The following RBP5 variants were observed in gnomAD, a reference collection of about 807,000 sequenced individuals.
RBP5 encodes retinol binding protein 5.
Under a neutral mutation model 17.8 loss-of-function variants are expected in RBP5, and 12 were observed. That is an observed-to-expected ratio of 0.67 (90% confidence interval 0.43 to 1.09). The LOEUF (loss-of-function observed/expected upper bound fraction) is 1.09, where lower values mean the gene tolerates loss of function less well. Among genes scored for constraint, RBP5 ranks in the 50% least tolerant of loss-of-function variants. The probability of loss-of-function intolerance (pLI) is 0.00; values close to 1 mark genes in which losing one functional copy is unlikely to be tolerated. For missense variants in RBP5, 172 were observed against 169.4 expected (o/e 1.02, Z -0.09); for synonymous variants, 64 against 68.1 (o/e 0.94, Z 0.30).
In RBP5 at chr12:7,123,821, A is replaced by G; in HGVS notation, c.*300T>C. The G allele has an allele frequency of 5.4e-6, 2 of 370,944 alleles. No homozygotes were observed. The highest frequency in any genetic ancestry group is 7.1e-4 in the Middle Eastern group (1 of 1,416). The allele number at this position is 370,944 out of a possible 1,614,324, so 23.0% of individuals were successfully genotyped here. On this transcript the variant is annotated 3_prime_UTR_variant, in exon 4 of 4. Transcript: ENST00000266560. ...AAGGAAAAGAAGAGGTCAAATGGAC[A>G]GGAGAGAGCGGAGATTGGTTGTTCT... is the stretch of plus-strand genomic sequence containing the variant.
chr12:7,122,886 T>G (rs948674165), downstream of RBP5, among the ~76,000 whole-genome samples: 1 of 152,022 alleles, frequency 6.6e-6, no homozygotes, highest in Admixed American at 6.5e-5. Context: ...CCAAATTCAT[T>G]CCAGAGCATG....
rs776502884 is a variant in RBP5, at chr12:7,128,376, G to A, written c.116C>T (p.Pro39Leu). The change falls in exon 2 of 4, where the codon CCG (proline) becomes CTG (leucine). Residue 39 changes from proline to leucine, a missense_variant. Pro to Leu is a moderately conservative substitution (Grantham distance 98). Coordinates refer to ENST00000266560, the MANE Select transcript of RBP5 (RefSeq NM_031491.4). The surrounding 1 kb of genome is among the most constrained non-coding windows in gnomAD (Gnocchi z 5.3). ...AVRKIALLLK[P>L]DKEIEHQGNH... The stretch of plus-strand genomic sequence containing the variant: ...GCCCTGGTGTTCGATCTCCTTGTCC[G>A]GCTTCAGCAGCAGCGCGATCTTCCG... The A allele has an allele frequency of 5.3e-5, 85 of 1,614,066 alleles. No individual in the cohort carries two copies. Among genetic ancestry groups the A allele is most frequent in the Non-Finnish European group, 5.2e-5 (61 of 1,180,042 alleles).
downstream of RBP5, among the ~76,000 whole-genome samples, chr12:7,122,997 G>GTCT (rs1300373096): frequency 6.6e-6 from 1 of 152,130 alleles, no homozygotes; most frequent in Non-Finnish European, 1.5e-5. Context: ...TGGGTCAAGA[G>GTCT]TCTTCATCTG....
chr12:7,125,517 C>G (rs1026716218), intron 2 of RBP5, among the ~76,000 whole-genome samples: 10 of 152,144 alleles, frequency 6.6e-5, no homozygotes, highest in African/African-American at 2.4e-4. Flanking sequence ...ATTGAGTTCT[C>G]CTTTAGGATA....
chr12:7,119,223 G>A (rs764975293), downstream of RBP5, among the ~76,000 whole-genome samples: 2 of 151,754 alleles, frequency 1.3e-5, no homozygotes, highest in South Asian at 4.2e-4. Flanking sequence ...CCAAGGGCTG[G>A]GGGGTAGGGG....
chr12:7,117,085 C>T lies in RBP5; in HGVS notation n.1112G>A, dbSNP rs773541133. 2.0e-5 allele frequency: 3 copies of T among 152,358 alleles called. No individual in the cohort carries two copies. The highest frequency in any genetic ancestry group is 1.3e-4 in the Admixed American group (2 of 15,304). 9.4% of individuals were successfully genotyped at this position (152,358 alleles called of 1,614,324 possible). On this transcript the variant is annotated non_coding_transcript_exon_variant, in exon 4 of 4. Transcript: ENST00000619522. The surrounding 1 kb of genome is among the most constrained non-coding windows in gnomAD (Gnocchi z 4.9). ...AGGCGGGACTGGGGCTGGAGGTCTGCTTCCAGACGGTCACTCACATGGATG... is the reference window on the plus strand; with the variant it reads ...AGGCGGGACTGGGGCTGGAGGTCTGTTTCCAGACGGTCACTCACATGGATG...
chr12:7,116,826 A>G (rs1174342616), exon 4 of RBP5: 4 of 152,106 alleles, frequency 2.6e-5, no homozygotes, highest in Non-Finnish European at 4.4e-5. Context: ...CACTTAGCGA[A>G]TATTGAGGTT....
chr12:7,124,616 C>G lies in RBP5; in HGVS notation c.354+13G>C. The G allele has an allele frequency of 5.4e-6, 8 of 1,476,556 alleles. No individual in the cohort carries two copies. Among genetic ancestry groups the G allele is most frequent in the Non-Finnish European group, 7.6e-6 (8 of 1,055,226 alleles). The allele number at this position is 1,476,556 out of a possible 1,614,324, so 91.5% of individuals were successfully genotyped here. A position where few individuals can be genotyped will look rare whatever the true frequency, so the allele number is the denominator to read the frequency against. On this transcript the variant is annotated intron_variant, in intron 3 of 3. Coordinates refer to ENST00000266560, the MANE Select transcript of RBP5 (RefSeq NM_031491.4). This position sits in a 1 kb window ranked among gnomAD's most constrained non-coding sequence, Gnocchi z 5.3. ...GGCCCTTCTCCCAGACACCCAGCCC[C>G]CACCCCATTTACCAGATACAGCATC...
At chr12:7,121,468 C>T (rs1436217129), downstream of RBP5, among the ~76,000 whole-genome samples, 2 of 152,092 alleles carry the variant, frequency 1.3e-5, no homozygotes, top group Non-Finnish European at 2.9e-5. Context: ...GGCCTGGGCA[C>T]GTAGGCGTCA....
intron 2 of RBP5, among the ~76,000 whole-genome samples, chr12:7,126,309 G>A (rs753784265): frequency 2.6e-5 from 4 of 151,966 alleles, no homozygotes; most frequent in South Asian, 4.2e-4. Flanking sequence ...TTATTATTTC[G>A]GCATGCAGCC....
chr12:7,124,003 G>A lies in RBP5; in HGVS notation c.*118C>T. The A allele has an allele frequency of 2.1e-6, 2 of 943,250 alleles. No individual in the cohort carries two copies. Among genetic ancestry groups the A allele is most frequent in the Non-Finnish European group, 3.5e-6 (2 of 577,094 alleles). 58.4% of individuals were successfully genotyped at this position (943,250 alleles called of 1,614,324 possible). A position where few individuals can be genotyped will look rare whatever the true frequency, so the allele number is the denominator to read the frequency against. On this transcript the variant is annotated 3_prime_UTR_variant, in exon 4 of 4. Coordinates refer to ENST00000266560, the MANE Select transcript of RBP5 (RefSeq NM_031491.4). The surrounding 1 kb of genome is among the most constrained non-coding windows in gnomAD (Gnocchi z 5.3). The stretch of plus-strand genomic sequence containing the variant: ...GGGGAGGGGTGAGGAGGGACCCAGA[G>A]GGAGGAAAGGTGGCCAGAGGAAGGG...
Position 7,128,716 on chromosome 12 carries a change from G to A in RBP5, c.60C>T (p.Tyr20=). 6.2e-7 allele frequency: 1 copy of A among 1,602,422 alleles called. No homozygotes were observed. Among genetic ancestry groups the A allele is most frequent in the South Asian group, 1.1e-5 (1 of 88,862 alleles). The change falls in exon 1 of 4, where the codon TAC becomes TAT. Residue 20 remains tyrosine, a synonymous_variant. Coordinates refer to ENST00000266560, the MANE Select transcript of RBP5 (RefSeq NM_031491.4). The surrounding 1 kb of genome is among the most constrained non-coding windows in gnomAD (Gnocchi z 5.3). ...CGAGGCCATTACTTAGGGCTTGCAGGTAGTCCTCCATGTTCTTCTGCGAGA... is the reference window on the plus strand; with the variant it reads ...CGAGGCCATTACTTAGGGCTTGCAGATAGTCCTCCATGTTCTTCTGCGAGA... ...RFVSQKNMED[Y]LQALNISLAV... is the part of the protein sequence containing the mutation.
chr12:7,125,592 C>T (rs186561548), intron 2 of RBP5, among the ~76,000 whole-genome samples: 21 of 152,126 alleles, frequency 1.4e-4, no homozygotes, highest in African/African-American at 5.1e-4. Context: ...AACTGTGACA[C>T]CAGGCAAGAG....
Position 7,128,241 on chromosome 12 carries a change from T to C in RBP5, c.251A>G (p.Gln84Arg). 6.2e-7 allele frequency: 1 copy of C among 1,608,840 alleles called. No homozygotes were observed. Among genetic ancestry groups the C allele is most frequent in the Non-Finnish European group, 8.5e-7 (1 of 1,176,346 alleles). ...ACCGCCCAGCCAGGGGAAATGTACCTGGCATTTTCGTCCGTCCACGCTCCT... is the reference window on the plus strand; with the variant it reads ...ACCGCCCAGCCAGGGGAAATGTACCCGGCATTTTCGTCCGTCCACGCTCCT... ...DLRSVDGRKC[Q>R]TIVTWEEEHL... Residue 84 changes from glutamine (Q) to arginine (R), a missense_variant and splice_region_variant, in exon 2 of 4, where the codon CAG (glutamine) becomes CGG (arginine). Physicochemically the swap from Gln to Arg is conservative, Grantham distance 43 (BLOSUM62 1). Coordinates refer to ENST00000266560, the MANE Select transcript of RBP5 (RefSeq NM_031491.4). This position sits in a 1 kb window ranked among gnomAD's most constrained non-coding sequence, Gnocchi z 5.3.
chr12:7,125,294 G>A (rs934180057), intron 2 of RBP5, among the ~76,000 whole-genome samples: 1 of 152,162 alleles, frequency 6.6e-6, no homozygotes, highest in Non-Finnish European at 1.5e-5. Flanking sequence ...GATAAGTAGA[G>A]GTGAAATTGG....
Position 7,124,872 on chromosome 12 carries a change from C to G in RBP5, c.253-142G>C, listed in dbSNP as rs1000660048. 2 of 573,884 alleles carry G rather than the reference C, an allele frequency of 3.5e-6. No individual in the cohort carries two copies. The highest frequency in any genetic ancestry group is 3.8e-5 in the African/African-American group (2 of 52,976). 35.5% of individuals were successfully genotyped at this position (573,884 alleles called of 1,614,324 possible). A position where few individuals can be genotyped will look rare whatever the true frequency, so the allele number is the denominator to read the frequency against. ...CCCTCCACTGAGCGAGGGAGCTGCT[C>G]TGATTCAGCAGGACTCCCTTTCCAC... is the stretch of plus-strand genomic sequence containing the variant. On this transcript the variant is annotated intron_variant, in intron 2 of 3. Transcript: ENST00000266560. The surrounding 1 kb of genome is among the most constrained non-coding windows in gnomAD (Gnocchi z 5.3).
Position 7,128,884 on chromosome 12 carries a change from G to C in RBP5, c.-109C>G, listed in dbSNP as rs1243939748. On this transcript the variant is annotated 5_prime_UTR_variant, in exon 1 of 4. Coordinates refer to ENST00000266560, the MANE Select transcript of RBP5 (RefSeq NM_031491.4). The surrounding 1 kb of genome is among the most constrained non-coding windows in gnomAD (Gnocchi z 5.3). Reference sequence around the variant, plus strand: ...CCAGCCAGCTCCACACACAGAGACAGGATGTGTAATGGCCGGGTTACCAGG... The same window carrying C: ...CCAGCCAGCTCCACACACAGAGACACGATGTGTAATGGCCGGGTTACCAGG... The C allele has an allele frequency of 9.0e-6, 8 of 891,180 alleles. No homozygotes were observed. The highest frequency in any genetic ancestry group is 1.7e-5 in the African/African-American group (1 of 60,270). The allele number at this position is 891,180 out of a possible 1,614,324, so 55.2% of individuals were successfully genotyped here.
At chr12:7,121,409 T>C (rs997664870), downstream of RBP5, among the ~76,000 whole-genome samples, 2 of 152,186 alleles carry the variant, frequency 1.3e-5, no homozygotes, top group African/African-American at 4.8e-5. Flanking sequence ...CTTTGTGCTT[T>C]AGAGCTGAGG....
At chr12:7,125,309 G>A (rs1001793147) in intron 2 of RBP5, among the ~76,000 whole-genome samples, 5 of 152,140 alleles carry the variant, frequency 3.3e-5, no homozygotes, top group Admixed American at 3.3e-4. Flanking sequence ...AATTGGGGAG[G>A]GCATTTATGA....
Sources: gnomAD v4.1 joint callset for allele counts (sites outside exome capture counted in the v4.1 genomes callset) on GRCh38, gnomAD v4.1.1 for gene constraint, Gnocchi (gnomAD v3.1) non-coding constraint, MANE v1.5 for transcripts, NCBI Gene and HGNC (gene_info 2026-07-23, HGNC 2026-07-21) for gene names.